Variants in FBXO4 observed in about 807,000 individuals in gnomAD.
FBXO4 encodes the protein F-box protein 4, also known as F-box only protein 4.
FBXO4 carries 36 observed loss-of-function variants against 43.7 expected under a neutral mutation model. The ratio of observed to expected loss-of-function variants is 0.82; its 90% CI spans 0.63 to 1.09. FBXO4 has a LOEUF of 1.09. Ranked by LOEUF, FBXO4 falls within the 50% of genes least tolerant of loss-of-function variation. The probability of loss-of-function intolerance (pLI) is 0.00; values close to 1 mark genes in which losing one functional copy is unlikely to be tolerated. For synonymous variants in FBXO4, 180 were observed against 165.6 expected (o/e 1.09, Z -0.67); for missense variants, 435 against 474.1 (o/e 0.92, Z 0.77).
the FBXO4 span, among the ~76,000 whole-genome samples, chr5:42,030,443 C>T: frequency 2.1e-4 from 31 of 150,690 alleles, no homozygotes; most frequent in East Asian, 5.9e-4. Context: ...TTACACCTTA[C>T]ACAAAAATTA....
At chr5:42,013,588 C>T in the FBXO4 span, among the ~76,000 whole-genome samples, 976 of 152,300 alleles carry the variant, frequency 6.4e-3, 16 homozygotes, top group African/African-American at 0.022. Context: ...CCTTGCATCC[C>T]TTTCTCCCTC....
At chr5:41,928,045 T>G (rs1218741965) in intron 2 of FBXO4, among the ~76,000 whole-genome samples, 1 of 152,268 alleles carries the variant, frequency 6.6e-6, no homozygotes, top group Non-Finnish European at 1.5e-5. Flanking sequence ...CAGAATTTTT[T>G]TTTCAAATTT....
the FBXO4 span, among the ~76,000 whole-genome samples, chr5:41,995,455 G>A: frequency 6.6e-6 from 1 of 152,190 alleles, no homozygotes; most frequent in African/African-American, 2.4e-5. Context: ...TGGCAAATCG[G>A]GCACTCAGCA....
At chr5:41,983,205 A>G in the FBXO4 span, among the ~76,000 whole-genome samples, 1 of 152,220 alleles carries the variant, frequency 6.6e-6, no homozygotes, top group Non-Finnish European at 1.5e-5. Context: ...TTATAGTAAA[A>G]TGATTTATAA....
At chr5:41,929,102 GGTTT>G (rs1232573474) in intron 2 of FBXO4, among the ~76,000 whole-genome samples, 1 of 152,006 alleles carries the variant, frequency 6.6e-6, no homozygotes, top group African/African-American at 2.4e-5. Context: ...CAATTTTTTT[GGTTT>G]GTTTGTTTTT....
chr5:41,930,702 C>T (rs1751661229), intron 3 of FBXO4, among the ~76,000 whole-genome samples: 1 of 148,866 alleles, frequency 6.7e-6, no homozygotes. Context: ...GAGTCTCACT[C>T]AGTTGCCCAG....
At chr5:41,990,781 A>G in the FBXO4 span, among the ~76,000 whole-genome samples, 1 of 152,150 alleles carries the variant, frequency 6.6e-6, no homozygotes. Context: ...AATGGCCACT[A>G]TTTATTTTCT....
At chr5:41,977,321 A>T in the FBXO4 span, among the ~76,000 whole-genome samples, 2 of 152,192 alleles carry the variant, frequency 1.3e-5, no homozygotes, top group South Asian at 4.2e-4. Context: ...TCTCTGCCAC[A>T]TGGCTAGCTT....
chr5:41,930,667 TTTC>T (rs1186075057), intron 3 of FBXO4, among the ~76,000 whole-genome samples: 1 of 151,344 alleles, frequency 6.6e-6, no homozygotes, highest in Non-Finnish European at 1.5e-5. Context: ...TCTTTCTTTC[TTTC>T]TTTTTTTTTT....
chr5:41,971,969 C>G, the FBXO4 span, among the ~76,000 whole-genome samples: 1 of 151,996 alleles, frequency 6.6e-6, no homozygotes, highest in South Asian at 2.1e-4. Context: ...TATGACAAAC[C>G]CACAGCTAAC....
rs2231918 is a variant in FBXO4, at chr5:41,925,531, G to T, written c.189+33G>T. 571 of 1,294,520 alleles carry T rather than the reference G, an allele frequency of 4.4e-4. No homozygotes were observed. The African/African-American group carries it at 7.9e-3, about 18-fold the overall frequency. The allele number at this position is 1,294,520 out of a possible 1,614,324, so 80.2% of individuals were successfully genotyped here. On this transcript the variant is annotated intron_variant, in intron 1 of 6. Transcript: ENST00000281623. Reference sequence around the variant, plus strand: ...TCGGCCGCAGGCCGCGGAGGACAGTGGGGCCGGCCCGGGCCGGAGGGACCT... The same window carrying T: ...TCGGCCGCAGGCCGCGGAGGACAGTTGGGCCGGCCCGGGCCGGAGGGACCT...
At chr5:41,985,560 A>T in the FBXO4 span, among the ~76,000 whole-genome samples, 2 of 152,166 alleles carry the variant, frequency 1.3e-5, no homozygotes, top group Non-Finnish European at 2.9e-5. Context: ...TTGGTGAGGT[A>T]GTAGAAAGGA....
the FBXO4 span, among the ~76,000 whole-genome samples, chr5:41,958,390 C>T: frequency 2.0e-5 from 3 of 152,160 alleles, no homozygotes; most frequent in Non-Finnish European, 4.4e-5. Flanking sequence ...ACCTTGTCCT[C>T]CCAAAGTGCT....
the FBXO4 span, chr5:41,967,660 T>C: frequency 4.1e-6 from 3 of 730,866 alleles, no homozygotes; most frequent in Admixed American, 5.6e-5. Flanking sequence ...ACACACTGCA[T>C]GGAGTAGCTG....
At chr5:41,986,181 A>G in the FBXO4 span, among the ~76,000 whole-genome samples, 4 of 152,150 alleles carry the variant, frequency 2.6e-5, no homozygotes, top group Non-Finnish European at 5.9e-5. Flanking sequence ...AAGATAATTT[A>G]AAGGCAGGTT....
the FBXO4 span, among the ~76,000 whole-genome samples, chr5:42,019,158 T>C: frequency 5.9e-5 from 9 of 152,188 alleles, no homozygotes; most frequent in African/African-American, 2.2e-4. Flanking sequence ...ATCTAAATTT[T>C]ATAAAATTTA....
intron 5 of FBXO4, among the ~76,000 whole-genome samples, chr5:41,936,396 T>C (rs2112582727): frequency 6.6e-6 from 1 of 152,110 alleles, no homozygotes; most frequent in East Asian, 1.9e-4. Flanking sequence ...TAGCCAGGCA[T>C]GGTGGCACGT....
intron 5 of FBXO4, among the ~76,000 whole-genome samples, chr5:41,936,349 A>G (rs1470129532): frequency 6.6e-6 from 1 of 152,174 alleles, no homozygotes; most frequent in African/African-American, 2.4e-5. Context: ...CCTGGGCAAC[A>G]TGGCAAAATT....
chr5:41,980,684 T>C, the FBXO4 span, among the ~76,000 whole-genome samples: 21,358 of 151,992 alleles, frequency 0.14, 2,418 homozygotes, highest in African/African-American at 0.31. Context: ...ATCCCTTTCT[T>C]TGTGAATTAA....
Sources: allele counts gnomAD v4.1 joint callset (sites outside exome capture counted in the v4.1 genomes callset), GRCh38; gene constraint gnomAD v4.1.1; transcripts MANE v1.5; gene names NCBI Gene and HGNC (gene_info 2026-07-23, HGNC 2026-07-21).